The following MS4A14 variants were observed in gnomAD, a reference collection of about 807,000 sequenced individuals.
The protein encoded by MS4A14 is membrane spanning 4-domains A14, also known as membrane-spanning 4-domains subfamily A member 14.
In MS4A14, 18 loss-of-function variants were observed where a neutral mutation model predicts 16.7. The observed-to-expected ratio is 1.08, with a 90% CI of 0.75 to 1.60. The LOEUF (loss-of-function observed/expected upper bound fraction) is 1.60. Ranked by LOEUF, MS4A14 falls within the 40% of genes most tolerant of loss-of-function variation. The pLI is 0.00. For missense variants in MS4A14, 812 were observed against 775.3 expected, an observed-to-expected ratio of 1.05 and a Z score of -0.56; for synonymous variants, 305 against 289.4, an observed-to-expected ratio of 1.05 and a Z score of -0.55.
rs1032602166 is a variant in MS4A14 at position 60,396,496 on chromosome 11, G to C, written c.-83G>C. 3.3e-6 allele frequency: 5 copies of C among 1,509,886 alleles called. No individual in the cohort carries two copies. The African/African-American group carries it at 6.9e-5, about 21-fold the overall frequency. 93.5% of individuals were successfully genotyped at this position (1,509,886 alleles called of 1,614,324 possible). ...AAGGGCTCATCTCTGAGGGCTCCAT[G>C]TGACTCTGGTGGAGAGGTAGATCAT... On this transcript the variant is annotated 5_prime_UTR_variant, in exon 1 of 5. It removes an upstream start codon present in the reference 5' UTR. Transcript: ENST00000300187.
chr11:60,416,289 C>A lies in MS4A14; in HGVS notation c.1321C>A (p.Gln441Lys). The A allele has an allele frequency of 1.9e-6, 3 of 1,614,000 alleles. No individual in the cohort carries two copies. Among genetic ancestry groups the A allele is most frequent in the South Asian group, 1.1e-5 (1 of 91,074 alleles). ...CCTACTTCAGCAGCCCCCAGATCTT[C>A]AACCAGAAAACACTGAACCTCAAAA... ...QHLLQQPPDLQPENTEPQNQQ... is the reference protein window; with the variant it reads ...QHLLQQPPDLKPENTEPQNQQ... Residue 441 changes from glutamine to lysine, a missense_variant, in exon 5 of 5, where the codon CAA (glutamine) becomes AAA (lysine). Gln to Lys is a moderately conservative substitution (Grantham distance 53, BLOSUM62 1). Transcript: ENST00000300187.
chr11:60,415,617 T>C lies in MS4A14; in HGVS notation c.649T>C (p.Leu217=). 1.2e-6 allele frequency: 2 copies of C among 1,613,810 alleles called. No homozygotes were observed. Among genetic ancestry groups the C allele is most frequent in the South Asian group, 2.2e-5 (2 of 91,066 alleles). ...FFKLTLSRSP[L]VSQPGNKGRE... is the part of the protein sequence containing the mutation. ...CAAGTTAACACTCTCTAGGAGTCCT[T>C]TAGTCTCCCAACCAGGTAATAAAGG... is the stretch of plus-strand genomic sequence containing the variant. The change falls in exon 5 of 5, where the codon TTA becomes CTA. Residue 217 remains leucine, a synonymous_variant. Transcript: ENST00000300187.
intron 4 of MS4A14, among the ~76,000 whole-genome samples, chr11:60,405,571 C>T (rs2085775163): frequency 6.6e-6 from 1 of 152,126 alleles, no homozygotes; most frequent in Non-Finnish European, 1.5e-5. Context: ...ACAAAATAGG[C>T]ATTATGGTAT....
At chr11:60,405,909 G>T in intron 4 of MS4A14, 1 of 1,535,072 alleles carries the variant, frequency 6.5e-7, no homozygotes, top group South Asian at 1.2e-5. Flanking sequence ...TAATCTTACT[G>T]ATCATCAGCA....
rs1397927439 is a variant in MS4A14, at chr11:60,415,795, A to G, written c.827A>G (p.Asp276Gly). The change falls in exon 5 of 5, where the codon GAT becomes GGT. Residue 276 changes from aspartate (D) to glycine (G), a missense_variant. Asp to Gly is a moderately conservative substitution (Grantham distance 94, BLOSUM62 -1). Coordinates refer to ENST00000300187, the MANE Select transcript of MS4A14 (RefSeq NM_032597.5). ...GACTCTACATTTAAACAAATGAAAG[A>G]TGAAGATCTACAATCTGCTATTGTA... is the stretch of plus-strand genomic sequence containing the variant. The part of the protein sequence containing the change: ...QLDSTFKQMK[D>G]EDLQSAIVQP... 7 of 1,613,978 alleles carry G rather than the reference A, an allele frequency of 4.3e-6. No individual in the cohort carries two copies. In the East Asian group the frequency reaches 1.6e-4, roughly 36 times the overall value.
At chr11:60,412,307 G>GC (rs1555009449) in intron 4 of MS4A14, among the ~76,000 whole-genome samples, 4 of 144,026 alleles carry the variant, frequency 2.8e-5, no homozygotes, top group African/African-American at 1.0e-4. Context: ...GAGAATAATT[G>GC]TTTTTTTTTT....
intron 1 of MS4A14, among the ~76,000 whole-genome samples, chr11:60,396,951 T>C (rs2085634022): frequency 6.6e-6 from 1 of 152,168 alleles, no homozygotes; most frequent in African/African-American, 2.4e-5. Flanking sequence ...CAGGGTGTGG[T>C]GGCACCTCCC....
intron 4 of MS4A14, chr11:60,404,537 T>G: frequency 2.2e-6 from 1 of 457,028 alleles, no homozygotes; most frequent in Non-Finnish European, 4.4e-6. Flanking sequence ...CTTTCCAACA[T>G]TATTCCAGGA....
intron 1 of MS4A14, 112 bp downstream of exon 1, chr11:60,396,828 AC>A (rs113239107): frequency 1.7e-6 from 2 of 1,175,754 alleles, no homozygotes; most frequent in Admixed American, 2.9e-5. Flanking sequence ...AGTTAATTCT[AC>A]TTTTCCCCCT....
intron 4 of MS4A14, chr11:60,404,651 T>A: frequency 2.2e-6 from 1 of 453,206 alleles, no homozygotes; most frequent in South Asian, 1.6e-5. Context: ...TTCTTCCGGC[T>A]TTGAACCGTC....
rs745772454 is a variant in MS4A14, at chr11:60,417,119, T to C, written c.*111T>C. 4 of 1,373,086 alleles carry C rather than the reference T, an allele frequency of 2.9e-6. No homozygotes were observed. The East Asian group carries it at 7.4e-5, about 25-fold the overall frequency. 85.1% of individuals were successfully genotyped at this position (1,373,086 alleles called of 1,614,324 possible). A position where few individuals can be genotyped will look rare whatever the true frequency, so the allele number is the denominator to read the frequency against. On this transcript the variant is annotated 3_prime_UTR_variant, in exon 5 of 5. Coordinates refer to ENST00000300187, the MANE Select transcript of MS4A14 (RefSeq NM_032597.5). ...AGAAGCCCTAAAGCAGAAAGCTCTA[T>C]ACCAAGAAGTCCAAACCCAGCACGC...
chr11:60,415,319 A>T, intron 4 of MS4A14, 118 bp from the exon 5 acceptor site: 1 of 1,103,068 alleles, frequency 9.1e-7, no homozygotes, highest in Non-Finnish European at 1.3e-6. Context: ...CTGCCTTCTC[A>T]TTTAGATGTT....
intron 4 of MS4A14, among the ~76,000 whole-genome samples, chr11:60,415,205 A>C (rs1469181934): frequency 6.6e-6 from 1 of 152,128 alleles, no homozygotes; most frequent in Non-Finnish European, 1.5e-5. Flanking sequence ...TTTTGAGGCA[A>C]TCTTAATCAA....
chr11:60,410,304 G>A (rs1362706989), intron 4 of MS4A14, among the ~76,000 whole-genome samples: 1 of 152,098 alleles, frequency 6.6e-6, no homozygotes, highest in Non-Finnish European at 1.5e-5. Context: ...TAATTGGGCT[G>A]TTTGTTTTTT....
intron 4 of MS4A14, 21 bp from the exon 5 acceptor site, chr11:60,415,416 C>A (rs2085923146): frequency 1.3e-6 from 2 of 1,569,628 alleles, no homozygotes; most frequent in South Asian, 1.2e-5. Context: ...ATATTAATTA[C>A]CCTCATCCTT....
intron 4 of MS4A14, among the ~76,000 whole-genome samples, chr11:60,410,152 C>T (rs1296924378): frequency 6.6e-6 from 1 of 152,220 alleles, no homozygotes; most frequent in Non-Finnish European, 1.5e-5. Context: ...AGTCACCACA[C>T]CCAGCCTTAT....
At position 60,415,487 on chromosome 11, in the gene MS4A14, C is replaced by G. The variant is rs763176359; in HGVS notation, c.519C>G (p.Ala173=). 3.1e-6 allele frequency: 5 copies of G among 1,613,102 alleles called. No individual in the cohort carries two copies. In the Admixed American group the frequency reaches 8.3e-5, roughly 27 times the overall value. The change falls in exon 5 of 5, where the codon GCC becomes GCG. Residue 173 remains alanine, a synonymous_variant. Transcript: ENST00000300187. The part of the protein sequence containing the change: ...SDVTQNSEQP[A]PEENDQLQFV... ...TTACTCAAAATAGTGAACAACCTGC[C>G]CCAGAAGAAAATGATCAATTACAAT...
At chr11:60,412,819 G>T in intron 4 of MS4A14, among the ~76,000 whole-genome samples, 1 of 151,730 alleles carries the variant, frequency 6.6e-6, no homozygotes, top group Non-Finnish European at 1.5e-5. Flanking sequence ...AAATTGTTTT[G>T]GCTGTTCTAG....
chr11:60,416,028 G>C lies in MS4A14; in HGVS notation c.1060G>C (p.Asp354His). The change falls in exon 5 of 5, where the codon GAC (aspartate) becomes CAC (histidine). Residue 354 changes from aspartate (D) to histidine (H), a missense_variant. Transcript: ENST00000300187. Reference protein sequence around the residue: ...VKQSSNLTANDLPPQGILSQD... With the variant: ...VKQSSNLTANHLPPQGILSQD... ...ACAGTCTTCTAATCTGACAGCTAAT[G>C]ACCTGCCCCCTCAAGGCATACTATC... The C allele has an allele frequency of 1.9e-6, 3 of 1,613,712 alleles. No homozygotes were observed. The highest frequency in any genetic ancestry group is 2.5e-6 in the Non-Finnish European group (3 of 1,179,922).
Sources: gnomAD v4.1 joint callset for allele counts (sites outside exome capture counted in the v4.1 genomes callset) on GRCh38, gnomAD v4.1.1 for gene constraint, MANE v1.5 for transcripts, NCBI Gene and HGNC (gene_info 2026-07-23, HGNC 2026-07-21) for gene names.